Variants in FHIT observed in about 807,000 individuals in gnomAD.
FHIT encodes the protein bis(5'-adenosyl)-triphosphatase.
Under a neutral mutation model 17.9 loss-of-function variants are expected in FHIT, and 19 were observed. The observed-to-expected ratio is 1.06, with a 90% CI of 0.74 to 1.56. FHIT has a LOEUF of 1.56. FHIT is among the 40% of genes most tolerant of loss of function. The pLI, the probability that FHIT is intolerant of heterozygous loss-of-function variation, is 0.00. For synonymous variants in FHIT, 81 were observed against 69.7 expected, an observed-to-expected ratio of 1.16 and a Z score of -0.81; for missense variants, 248 against 189.2, an observed-to-expected ratio of 1.31 and a Z score of -1.82.
chr3:60,229,254 C>CA (rs1169744048), intron 5 of FHIT, among the ~76,000 whole-genome samples: 1 of 151,504 alleles, frequency 6.6e-6, no homozygotes, highest in Non-Finnish European at 1.5e-5. Flanking sequence ...CTGCCTCTAC[C>CA]AAAAGTACAA....
chr3:60,537,493 G>C, intron 4 of FHIT: 1 of 980,386 alleles, frequency 1.0e-6, no homozygotes, highest in Non-Finnish European at 1.2e-6. Flanking sequence ...AGCACTTCCA[G>C]AGAACTATTC....
chr3:60,147,902 G>T (rs1352661152), intron 5 of FHIT, among the ~76,000 whole-genome samples: 3 of 152,122 alleles, frequency 2.0e-5, no homozygotes, highest in Non-Finnish European at 4.4e-5. Flanking sequence ...GCTTCGCCAG[G>T]CCACTATTAG....
chr3:60,254,533 A>G (rs1187923744), intron 5 of FHIT, among the ~76,000 whole-genome samples: 4 of 152,192 alleles, frequency 2.6e-5, no homozygotes, highest in Non-Finnish European at 5.9e-5. Context: ...GATTTGTTCT[A>G]TTCCTCTAAC....
chr3:59,785,839 G>A (rs1699257245), intron 8 of FHIT, among the ~76,000 whole-genome samples: 1 of 152,154 alleles, frequency 6.6e-6, no homozygotes, highest in Non-Finnish European at 1.5e-5. Flanking sequence ...GGAGACATTG[G>A]ATTGTTCCTT....
intron 8 of FHIT, among the ~76,000 whole-genome samples, chr3:59,894,590 A>C (rs1433623031): frequency 6.6e-6 from 1 of 152,192 alleles, no homozygotes; most frequent in Non-Finnish European, 1.5e-5. Context: ...ACAGTTCTTT[A>C]TATGATTGAA....
chr3:61,182,168 C>T (rs1285873145), intron 2 of FHIT, among the ~76,000 whole-genome samples: 1 of 152,098 alleles, frequency 6.6e-6, no homozygotes, highest in African/African-American at 2.4e-5. Flanking sequence ...GGGCAGGTGG[C>T]CATCTCTGAA....
At chr3:60,772,266 G>T (rs1700070207) in intron 4 of FHIT, among the ~76,000 whole-genome samples, 1 of 142,276 alleles carries the variant, frequency 7.0e-6, no homozygotes, top group African/African-American at 2.6e-5. Context: ...CACTGAGATA[G>T]AAATGAAACA....
At chr3:61,137,820 G>T (rs965600542) in intron 2 of FHIT, among the ~76,000 whole-genome samples, 1 of 152,168 alleles carries the variant, frequency 6.6e-6, no homozygotes, top group Non-Finnish European at 1.5e-5. Context: ...TACTCTCTTA[G>T]TCAATCAGTC....
chr3:60,300,686 T>C (rs6768733), intron 5 of FHIT, among the ~76,000 whole-genome samples: 85,367 of 151,868 alleles, frequency 0.56, 25,037 homozygotes, highest in East Asian at 0.96. Context: ...TACTTCCCAC[T>C]TGCTCCAACA....
intron 1 of FHIT, among the ~76,000 whole-genome samples, chr3:61,221,366 G>A (rs114411858): frequency 2.6e-5 from 4 of 152,172 alleles, no homozygotes; most frequent in Admixed American, 2.6e-4. Context: ...AGAAAAAGAG[G>A]TTCATCTTGG....
At chr3:61,000,050 G>T (rs946322933) in intron 3 of FHIT, among the ~76,000 whole-genome samples, 3 of 152,128 alleles carry the variant, frequency 2.0e-5, no homozygotes, top group Admixed American at 6.5e-5. Context: ...TTGAGGGTTA[G>T]GATTTCAACA....
chr3:60,109,871 T>A (rs766852941), intron 5 of FHIT, among the ~76,000 whole-genome samples: 13 of 152,168 alleles, frequency 8.5e-5, no homozygotes, highest in Non-Finnish European at 1.9e-4. Flanking sequence ...ACCAATGATG[T>A]ATTTCTCGTA....
chr3:59,910,907 T>A (rs1430719783), intron 8 of FHIT, among the ~76,000 whole-genome samples: 1 of 152,172 alleles, frequency 6.6e-6, no homozygotes. Context: ...GGAAAAAAAA[T>A]TGAAAACATT....
intron 2 of FHIT, among the ~76,000 whole-genome samples, chr3:61,051,234 T>C (rs1280395678): frequency 6.6e-6 from 1 of 151,312 alleles, no homozygotes; most frequent in African/African-American, 2.4e-5. Context: ...TTTGGCTCCA[T>C]AAGTACCACT....
intron 7 of FHIT, among the ~76,000 whole-genome samples, chr3:59,936,462 T>C (rs201778046): frequency 4.8e-5 from 2 of 41,344 alleles, no homozygotes; most frequent in Admixed American, 2.5e-4. Context: ...AGTTCTTTAA[T>C]TTATGTTTCA....
At chr3:60,119,846 T>C (rs1395402698) in intron 5 of FHIT, among the ~76,000 whole-genome samples, 2 of 152,158 alleles carry the variant, frequency 1.3e-5, no homozygotes, top group Non-Finnish European at 2.9e-5. Context: ...ATTAAACACA[T>C]ACTTGATTCC....
chr3:61,233,771 T>C (rs780010584), intron 1 of FHIT, among the ~76,000 whole-genome samples: 1 of 152,196 alleles, frequency 6.6e-6, no homozygotes, highest in Non-Finnish European at 1.5e-5. Context: ...TTCATCTCTC[T>C]GTCCTCTCAC....
At chr3:60,179,803 T>G (rs1701843375) in intron 5 of FHIT, among the ~76,000 whole-genome samples, 1 of 152,182 alleles carries the variant, frequency 6.6e-6, no homozygotes, top group Non-Finnish European at 1.5e-5. Flanking sequence ...ATCTTTCATT[T>G]CTTCCTGACA....
intron 7 of FHIT, among the ~76,000 whole-genome samples, chr3:59,933,174 A>C (rs569405438): frequency 1.3e-5 from 2 of 152,302 alleles, no homozygotes; most frequent in East Asian, 3.9e-4. Flanking sequence ...CAGGCTTTGC[A>C]TCTAGAGAAA....
Sources: allele counts gnomAD v4.1 joint callset (sites outside exome capture counted in the v4.1 genomes callset), GRCh38; gene constraint gnomAD v4.1.1; transcripts MANE v1.5; gene names NCBI Gene and HGNC (gene_info 2026-07-23, HGNC 2026-07-21).